SLMAP: variants seen among roughly 807,000 people sequenced by gnomAD.
SLMAP encodes sarcolemmal membrane-associated protein.
A neutral mutation model predicts 128.8 loss-of-function variants in SLMAP; 44 were observed. The observed-to-expected ratio is 0.34, with a 90% CI of 0.27 to 0.44. SLMAP has a LOEUF of 0.44. Among genes scored for constraint, SLMAP ranks in the 20% least tolerant of loss-of-function variants. The probability of loss-of-function intolerance (pLI) is 1.00; values close to 1 mark genes in which losing one functional copy is unlikely to be tolerated. For missense variants in SLMAP, 787 were observed against 985.3 expected (o/e 0.80, Z 2.69); for synonymous variants, 327 against 348.8 (o/e 0.94, Z 0.70).
intron 2 of SLMAP, among the ~76,000 whole-genome samples, chr3:57,775,419 T>C (rs1348338429): frequency 6.7e-6 from 1 of 148,188 alleles, no homozygotes; most frequent in Non-Finnish European, 1.5e-5. Flanking sequence ...ACGCCTGTAA[T>C]TCCAACACTT....
intron 17 of SLMAP, among the ~76,000 whole-genome samples, chr3:57,906,310 C>CTTTTCTTTTTTTTTTTTTTTT (rs2096548548): frequency 6.4e-5 from 3 of 47,048 alleles, no homozygotes; most frequent in African/African-American, 2.1e-4. Flanking sequence ...CTTTTTTTTT[C>CTTTTCTTTTTTTTTTTTTTTT]TTTTTTTTTT....
At chr3:57,891,223 C>T (rs1253941683) in intron 15 of SLMAP, 1 of 151,092 alleles carries the variant, frequency 6.6e-6, no homozygotes. Context: ...AAAAAAAATG[C>T]TTCTTTAATT....
At chr3:57,880,034 C>T (rs1050754733) in intron 14 of SLMAP, among the ~76,000 whole-genome samples, 1 of 151,822 alleles carries the variant, frequency 6.6e-6, no homozygotes, top group Non-Finnish European at 1.5e-5. Flanking sequence ...GAGGGAAGGG[C>T]TTCCTCCCTG....
rs769875280 is a variant in SLMAP, at chr3:57,757,489, C to A, written c.-163C>A. On this transcript the variant is annotated 5_prime_UTR_variant, in exon 2 of 25. Transcript: ENST00000671191. ...GGCTTGCGCTGGCTTGTCTTCCCACCCAAGTGAAGAGTTGATGTTCACTGG... is the reference window on the plus strand; with the variant it reads ...GGCTTGCGCTGGCTTGTCTTCCCACACAAGTGAAGAGTTGATGTTCACTGG... The A allele has an allele frequency of 4.6e-6, 3 of 655,798 alleles. No homozygotes were observed. Among genetic ancestry groups the A allele is most frequent in the Non-Finnish European group, 7.9e-6 (3 of 378,642 alleles). 40.6% of individuals were successfully genotyped at this position (655,798 alleles called of 1,614,324 possible). A position where few individuals can be genotyped will look rare whatever the true frequency, so the allele number is the denominator to read the frequency against.
chr3:57,868,969 A>G (rs1373389239), intron 13 of SLMAP, among the ~76,000 whole-genome samples: 2 of 137,940 alleles, frequency 1.4e-5, no homozygotes, highest in Middle Eastern at 3.7e-3. Context: ...ATATGTGTGT[A>G]TTATATATAA....
chr3:57,846,120 G>A (rs978966067), intron 4 of SLMAP, among the ~76,000 whole-genome samples: 1 of 152,098 alleles, frequency 6.6e-6, no homozygotes, highest in East Asian at 1.9e-4. Flanking sequence ...GATTACAGGT[G>A]TGAGCCACTG....
chr3:57,817,234 G>T (rs1317114574), intron 2 of SLMAP, among the ~76,000 whole-genome samples: 2 of 152,184 alleles, frequency 1.3e-5, no homozygotes, highest in Non-Finnish European at 2.9e-5. Context: ...GCAATTGAGA[G>T]ATTTTACTGA....
intron 6 of SLMAP, among the ~76,000 whole-genome samples, chr3:57,851,534 G>A (rs546450154): frequency 1.2e-4 from 18 of 151,134 alleles, no homozygotes; most frequent in African/African-American, 4.1e-4. Flanking sequence ...GTGCACTGGC[G>A]CAATCTAGGC....
chr3:57,845,581 C>T (rs1242295721), intron 4 of SLMAP, among the ~76,000 whole-genome samples: 1 of 152,140 alleles, frequency 6.6e-6, no homozygotes, highest in Non-Finnish European at 1.5e-5. Flanking sequence ...AGAATGGCCT[C>T]TAGGATGTGG....
chr3:57,901,143 T>A (rs1190223916), intron 17 of SLMAP: 1 of 152,268 alleles, frequency 6.6e-6, no homozygotes, highest in Non-Finnish European at 1.5e-5. Context: ...TTTGGGCTTC[T>A]CCCATATGGT....
intron 14 of SLMAP, among the ~76,000 whole-genome samples, chr3:57,874,151 G>C (rs1333224787): frequency 6.6e-6 from 1 of 152,038 alleles, no homozygotes; most frequent in East Asian, 1.9e-4. Flanking sequence ...AATTATCCGG[G>C]AGTGATGGCA....
chr3:57,869,630 T>TATATATATATATATATATA (rs2095420048), intron 13 of SLMAP, among the ~76,000 whole-genome samples: 2 of 75,474 alleles, frequency 2.6e-5, no homozygotes, highest in African/African-American at 5.0e-5. Flanking sequence ...CCCATCTCTA[T>TATATATATATATATATATA]TATATATATA....
intron 17 of SLMAP, chr3:57,899,002 A>G (rs1418795254): frequency 6.6e-6 from 1 of 152,214 alleles, no homozygotes; most frequent in Non-Finnish European, 1.5e-5. Flanking sequence ...GACACTGATC[A>G]TGATGATGAT....
chr3:57,782,712 G>T (rs1672391117), intron 2 of SLMAP, among the ~76,000 whole-genome samples: 1 of 152,132 alleles, frequency 6.6e-6, no homozygotes. Context: ...GGCTCAAGCA[G>T]TCTGTCCACC....
At chr3:57,762,785 G>A (rs201665405) in intron 2 of SLMAP, among the ~76,000 whole-genome samples, 2 of 139,646 alleles carry the variant, frequency 1.4e-5, no homozygotes, top group South Asian at 2.3e-4. Flanking sequence ...GCGCAATCTC[G>A]GCTCACTGCA....
At position 57,776,987 on chromosome 3, in the gene SLMAP, C is replaced by T. The variant is rs187052535; in HGVS notation, c.198+19138C>T. 3.2e-4 allele frequency among the ~76,000 whole-genome samples: 49 copies of T among 150,816 alleles called. 1 individual carries two copies. Among genetic ancestry groups the T allele is most frequent in the African/African-American group, 1.1e-3 (44 of 40,958 alleles). ...TAATAGACTATGCTACCTTGTGGCC[C>T]GACAGTATAGGTATAGTGCCTGTCA... On this transcript the variant is annotated intron_variant, in intron 2 of 24. Coordinates refer to ENST00000671191, the MANE Select transcript of SLMAP (RefSeq NM_001377540.1).
At chr3:57,795,495 C>G (rs868095914) in intron 2 of SLMAP, among the ~76,000 whole-genome samples, 9 of 152,062 alleles carry the variant, frequency 5.9e-5, no homozygotes, top group Non-Finnish European at 7.3e-5. Context: ...GCTGAGATCA[C>G]GCCACTGCAC....
intron 3 of SLMAP, among the ~76,000 whole-genome samples, chr3:57,835,330 A>G (rs1290891065): frequency 6.6e-6 from 1 of 151,516 alleles, no homozygotes; most frequent in Non-Finnish European, 1.5e-5. Context: ...GGCAGCTTGC[A>G]CTTGTCTCAG....
At position 57,831,508 on chromosome 3, in the gene SLMAP, C is replaced by T. The variant is rs541100817; in HGVS notation, c.324C>T (p.Asp108=). 7.8e-5 allele frequency: 123 copies of T among 1,566,928 alleles called. 1 individual carries two copies. The highest frequency in any genetic ancestry group is 5.9e-4 in the South Asian group (49 of 83,064). The part of the protein sequence containing the change: ...LSGDIIQFGV[D]VTENTRKVTH... Reference sequence around the variant, plus strand: ...GTGACATTATCCAGTTTGGAGTAGACGTGACAGAGAATACACGGAAAGGTA... The same window carrying T: ...GTGACATTATCCAGTTTGGAGTAGATGTGACAGAGAATACACGGAAAGGTA... Residue 108 remains aspartate (D), a synonymous_variant, in exon 3 of 25, where the codon GAC becomes GAT. Coordinates refer to ENST00000671191, the MANE Select transcript of SLMAP (RefSeq NM_001377540.1).
Sources: gnomAD v4.1 joint callset for allele counts (sites outside exome capture counted in the v4.1 genomes callset) on GRCh38, gnomAD v4.1.1 for gene constraint, MANE v1.5 for transcripts, NCBI Gene and HGNC (gene_info 2026-07-23, HGNC 2026-07-21) for gene names.